The following PSD3 variants were observed in gnomAD, a reference collection of about 807,000 sequenced individuals.
The protein encoded by PSD3 is pleckstrin and Sec7 domain containing 3.
A neutral mutation model predicts 105.5 loss-of-function variants in PSD3; 49 were observed. The observed-to-expected ratio is 0.46, with a 90% CI of 0.37 to 0.59. The LOEUF (loss-of-function observed/expected upper bound fraction) is 0.59, where lower values mean the gene tolerates loss of function less well. PSD3 is among the 20% of genes least tolerant of loss of function. The pLI is 0.00. For synonymous variants in PSD3, 557 were observed against 457.8 expected, an observed-to-expected ratio of 1.22 and a Z score of -2.77; for missense variants, 1,561 against 1,263.8, an observed-to-expected ratio of 1.24 and a Z score of -3.57.
intron 2 of PSD3, among the ~76,000 whole-genome samples, chr8:18,918,846 C>T (rs1171225887): frequency 6.6e-6 from 1 of 152,044 alleles, no homozygotes; most frequent in Non-Finnish European, 1.5e-5. Context: ...TACCGTGCCC[C>T]TTTCCCTGGT....
chr8:18,976,316 T>G (rs994008139), intron 1 of PSD3, among the ~76,000 whole-genome samples: 1 of 152,228 alleles, frequency 6.6e-6, no homozygotes, highest in Non-Finnish European at 1.5e-5. Flanking sequence ...ACCTTATTAT[T>G]AAATAAATTA....
At chr8:18,997,171 C>G (rs541711621) in intron 1 of PSD3, among the ~76,000 whole-genome samples, 1 of 151,796 alleles carries the variant, frequency 6.6e-6, no homozygotes, top group African/African-American at 2.4e-5. Context: ...AAATGTTCAC[C>G]TCTAACCCAG....
At chr8:18,827,249 A>C (rs533517951) in intron 4 of PSD3, among the ~76,000 whole-genome samples, 1 of 152,334 alleles carries the variant, frequency 6.6e-6, no homozygotes. Flanking sequence ...CAATGGGAAA[A>C]GGTTACACCA....
chr8:18,966,526 G>A (rs1257515746), intron 1 of PSD3, among the ~76,000 whole-genome samples: 3 of 149,682 alleles, frequency 2.0e-5, no homozygotes, highest in Non-Finnish European at 4.4e-5. Context: ...AGCTGAGATT[G>A]CACCACTGAA....
At position 18,723,426 on chromosome 8, in the gene PSD3, T is replaced by C. The variant is rs1387711109; in HGVS notation, c.2172+42023A>G. Among the ~76,000 whole-genome samples, 2 of 152,226 alleles carry C rather than the reference T, an allele frequency of 1.3e-5. 1 individual carries two copies. Among genetic ancestry groups the C allele is most frequent in the South Asian group, 4.1e-4 (2 of 4,836 alleles). On this transcript the variant is annotated intron_variant, in intron 9 of 15. Transcript: ENST00000327040. ...GTGCACTTTCTCATTTTATAGAAAG[T>C]CATTAAAAAGATCTTCAGTAGCTAT...
At chr8:18,759,671 A>C (rs1272356344) in intron 9 of PSD3, among the ~76,000 whole-genome samples, 1 of 152,124 alleles carries the variant, frequency 6.6e-6, no homozygotes, top group African/African-American at 2.4e-5. Flanking sequence ...GTGGGATAGA[A>C]AACAATTGGG....
chr8:18,691,311 A>G (rs1800962964), intron 9 of PSD3, among the ~76,000 whole-genome samples: 1 of 152,248 alleles, frequency 6.6e-6, no homozygotes, highest in South Asian at 2.1e-4. Context: ...GTGATGCATT[A>G]GATTTGCTGT....
chr8:18,641,560 G>C (rs1807642968), intron 10 of PSD3, among the ~76,000 whole-genome samples: 1 of 152,186 alleles, frequency 6.6e-6, no homozygotes, highest in Non-Finnish European at 1.5e-5. Context: ...AGAAATCCTT[G>C]TTGGGTGATG....
intron 1 of PSD3, among the ~76,000 whole-genome samples, chr8:18,947,859 CT>C (rs1822967052): frequency 6.6e-6 from 1 of 152,052 alleles, no homozygotes; most frequent in South Asian, 2.1e-4. Context: ...AAGCTGGGAG[CT>C]AGAAAGCTAG....
At chr8:19,025,260 A>G (rs1827507827) in intron 1 of PSD3, among the ~76,000 whole-genome samples, 1 of 152,194 alleles carries the variant, frequency 6.6e-6, no homozygotes, top group South Asian at 2.1e-4. Context: ...TGGTGTAAAC[A>G]TGGGTGACAC....
At chr8:18,917,724 C>T (rs1820716993) in intron 2 of PSD3, among the ~76,000 whole-genome samples, 1 of 152,106 alleles carries the variant, frequency 6.6e-6, no homozygotes, top group Non-Finnish European at 1.5e-5. Flanking sequence ...TGCATTCCTG[C>T]TCTCAGGAAC....
At chr8:18,748,554 G>A (rs1001032291) in intron 9 of PSD3, among the ~76,000 whole-genome samples, 4 of 151,710 alleles carry the variant, frequency 2.6e-5, no homozygotes, top group Non-Finnish European at 5.9e-5. Context: ...CAGCTACTCA[G>A]GAGGCTGAGG....
chr8:18,658,915 A>G (rs1809101608), intron 9 of PSD3, among the ~76,000 whole-genome samples: 1 of 152,196 alleles, frequency 6.6e-6, no homozygotes, highest in African/African-American at 2.4e-5. Flanking sequence ...CCACTACACA[A>G]GAAACACATC....
At chr8:18,640,212 T>A (rs1444207412) in intron 10 of PSD3, among the ~76,000 whole-genome samples, 3 of 152,154 alleles carry the variant, frequency 2.0e-5, no homozygotes, top group Admixed American at 6.6e-5. Flanking sequence ...CTCCACAGCA[T>A]TGACCCTAAA....
chr8:18,643,575 A>G (rs1200739073), intron 10 of PSD3, among the ~76,000 whole-genome samples: 2 of 152,230 alleles, frequency 1.3e-5, no homozygotes, highest in South Asian at 2.1e-4. Flanking sequence ...AGATGCTCCC[A>G]TTCCAAAAGG....
At chr8:18,991,797 T>G (rs191604904) in intron 1 of PSD3, among the ~76,000 whole-genome samples, 1 of 152,328 alleles carries the variant, frequency 6.6e-6, no homozygotes, top group East Asian at 1.9e-4. Flanking sequence ...ACAACTTTTA[T>G]CCATGTTTAA....
intron 4 of PSD3, among the ~76,000 whole-genome samples, chr8:18,805,181 C>T (rs1811094161): frequency 6.6e-6 from 1 of 152,004 alleles, no homozygotes; most frequent in Admixed American, 6.6e-5. Context: ...TTATACCTAC[C>T]GATATTTACC....
At position 18,804,821 on chromosome 8, in the gene PSD3, G is replaced by A; in HGVS notation, c.1712C>T (p.Pro571Leu). Residue 571 changes from proline (P) to leucine (L), a missense_variant, in exon 5 of 16, where the codon CCA becomes CTA. Transcript: ENST00000327040. The part of the protein sequence containing the change: ...GSTEILEKET[P>L]ENLSNGTSSN... ...GCTGGTACCATTACTGAGATTTTCT[G>A]GGGTCTCCTTTTCCAAAATTTCAGT... The A allele has an allele frequency of 6.2e-7, 1 of 1,613,982 alleles. No individual in the cohort carries two copies. Among genetic ancestry groups the A allele is most frequent in the Non-Finnish European group, 8.5e-7 (1 of 1,179,902 alleles).
At chr8:18,635,999 G>T (rs1200457655) in intron 10 of PSD3, among the ~76,000 whole-genome samples, 1 of 152,090 alleles carries the variant, frequency 6.6e-6, no homozygotes, top group Non-Finnish European at 1.5e-5. Flanking sequence ...TGTGGCACAT[G>T]TATACCTATG....
Sources: gnomAD v4.1 joint callset for allele counts (sites outside exome capture counted in the v4.1 genomes callset) on GRCh38, gnomAD v4.1.1 for gene constraint, MANE v1.5 for transcripts, NCBI Gene and HGNC (gene_info 2026-07-23, HGNC 2026-07-21) for gene names.